Variants in EFL1 observed in about 807,000 individuals in gnomAD.
EFL1 encodes elongation factor like GTPase 1.
A neutral mutation model predicts 126.7 loss-of-function variants in EFL1; 76 were observed. The observed-to-expected ratio is 0.60, with a 90% CI of 0.50 to 0.73. The LOEUF is 0.73. Ranked by LOEUF, EFL1 falls within the 30% of genes least tolerant of loss-of-function variation. EFL1 has a pLI of 0.00. For missense variants in EFL1, 1,128 were observed against 1,343.2 expected (o/e 0.84, Z 2.50); for synonymous variants, 410 against 448.4 (o/e 0.91, Z 1.08).
intron 7 of EFL1, among the ~76,000 whole-genome samples, chr15:82,231,462 C>T (rs2074821379): frequency 6.6e-6 from 1 of 152,144 alleles, no homozygotes; most frequent in Admixed American, 6.5e-5. Flanking sequence ...TAACTCGCAT[C>T]AACCCACAGA....
intron 16 of EFL1, among the ~76,000 whole-genome samples, chr15:82,159,033 CA>C (rs1279737208): frequency 2.0e-5 from 3 of 152,164 alleles, no homozygotes; most frequent in African/African-American, 7.2e-5. Context: ...ACTTGTAGGT[CA>C]GGTGATCAAA....
At chr15:82,258,973 C>T (rs774501279) in intron 3 of EFL1, 115 bp downstream of exon 3, 40 of 937,826 alleles carry the variant, frequency 4.3e-5, no homozygotes, top group South Asian at 9.5e-5. Context: ...AGCTTTTAGA[C>T]GCAAGAATTA....
At chr15:82,260,865 T>C (rs1338405058) in intron 2 of EFL1, among the ~76,000 whole-genome samples, 1 of 152,198 alleles carries the variant, frequency 6.6e-6, no homozygotes, top group African/African-American at 2.4e-5. Flanking sequence ...ATGGTAAATA[T>C]GTTTTATTTC....
At chr15:82,157,979 AT>A in intron 16 of EFL1, 119 bp from the exon 17 acceptor site, 1 of 1,172,176 alleles carries the variant, frequency 8.5e-7, no homozygotes, top group Non-Finnish European at 1.2e-6. Context: ...ACAACAATTT[AT>A]TTTTCTTCCA....
intron 18 of EFL1, among the ~76,000 whole-genome samples, chr15:82,149,101 T>C (rs967959600): frequency 4.6e-5 from 7 of 152,056 alleles, no homozygotes; most frequent in Admixed American, 2.0e-4. Context: ...CAAGGACACA[T>C]GAAAAAAATG....
At chr15:82,220,043 T>C (rs374076363) in intron 13 of EFL1, 35 bp downstream of exon 13, 28 of 1,564,778 alleles carry the variant, frequency 1.8e-5, no homozygotes, top group Middle Eastern at 2.1e-4. Flanking sequence ...AAAAGGCAAA[T>C]ACTTTGCAAC....
rs114196644 is a variant in EFL1 at position 82,163,530 on chromosome 15, C to T, written c.1882+323G>A. On this transcript the variant is annotated intron_variant, in intron 16 of 19. Transcript: ENST00000268206. Reference sequence around the variant, plus strand: ...TAGCCTGCGCAACAGAGTGAGACTCCGCCTCAAAAAAATAAATAAATAGAT... The same window carrying T: ...TAGCCTGCGCAACAGAGTGAGACTCTGCCTCAAAAAAATAAATAAATAGAT... 8.5e-3 allele frequency among the ~76,000 whole-genome samples: 1,288 copies of T among 152,026 alleles called. 15 individuals carry two copies. Among genetic ancestry groups the T allele is most frequent in the African/African-American group, 0.028 (1,155 of 41,468 alleles).
chr15:82,240,379 T>C (rs2074918364), intron 6 of EFL1, 39 bp downstream of exon 6: 1 of 1,539,974 alleles, frequency 6.5e-7, no homozygotes, highest in Admixed American at 2.0e-5. Flanking sequence ...ACAACTCTTC[T>C]TCGTGGCTAA....
intron 17 of EFL1, among the ~76,000 whole-genome samples, chr15:82,152,850 G>A (rs1182811011): frequency 1.3e-5 from 2 of 152,120 alleles, no homozygotes; most frequent in African/African-American, 4.8e-5. Flanking sequence ...CAGAACCTCA[G>A]GATAGCTAGT....
At chr15:82,185,798 T>G (rs1425375565) in intron 15 of EFL1, among the ~76,000 whole-genome samples, 1 of 152,170 alleles carries the variant, frequency 6.6e-6, no homozygotes, top group Admixed American at 6.5e-5. Flanking sequence ...TGAAACAGTT[T>G]TGTAACATTT....
At chr15:82,169,010 G>C (rs1342303286) in intron 15 of EFL1, among the ~76,000 whole-genome samples, 1 of 152,060 alleles carries the variant, frequency 6.6e-6, no homozygotes, top group Non-Finnish European at 1.5e-5. Context: ...GTCACTGTAA[G>C]GTCCCAATTT....
At chr15:82,255,934 T>C (rs1039457983) in intron 3 of EFL1, among the ~76,000 whole-genome samples, 8 of 152,254 alleles carry the variant, frequency 5.3e-5, no homozygotes, top group African/African-American at 1.7e-4. Context: ...CTTCTGTATA[T>C]ATTTTTAAAT....
intron 16 of EFL1, 34 bp from the exon 17 acceptor site, chr15:82,157,894 T>C (rs1375461496): frequency 6.3e-7 from 1 of 1,593,860 alleles, no homozygotes; most frequent in Non-Finnish European, 8.6e-7. Context: ...TTAAATATGA[T>C]ATAAGAACTA....
At chr15:82,214,192 T>C (rs2074618792) in intron 15 of EFL1, among the ~76,000 whole-genome samples, 1 of 152,260 alleles carries the variant, frequency 6.6e-6, no homozygotes, top group South Asian at 2.1e-4. Flanking sequence ...ACTCAAAAAG[T>C]GAATTCTGCA....
chr15:82,210,347 A>G (rs2074570596), intron 15 of EFL1, among the ~76,000 whole-genome samples: 1 of 152,164 alleles, frequency 6.6e-6, no homozygotes, highest in Admixed American at 6.5e-5. Context: ...TTTGAAGGCT[A>G]GGTCATAAAA....
chr15:82,162,297 CA>C (rs1278742628), intron 16 of EFL1, among the ~76,000 whole-genome samples: 1 of 152,012 alleles, frequency 6.6e-6, no homozygotes, highest in East Asian at 1.9e-4. Context: ...AATAAATAAA[CA>C]AGTAAAATTA....
At chr15:82,214,458 T>C (rs2074622370) in intron 15 of EFL1, among the ~76,000 whole-genome samples, 1 of 152,216 alleles carries the variant, frequency 6.6e-6, no homozygotes, top group South Asian at 2.1e-4. Context: ...CGCTCTGAAA[T>C]AAATGGAACT....
At chr15:82,134,889 A>AT (rs957052167) in intron 19 of EFL1, among the ~76,000 whole-genome samples, 9 of 152,122 alleles carry the variant, frequency 5.9e-5, no homozygotes, top group African/African-American at 1.2e-4. Flanking sequence ...TATTTTCTCT[A>AT]TTTTTTGAAG....
In EFL1 at chr15:82,241,315, A is replaced by G; in HGVS notation, c.333T>C (p.Asp111=). 1.2e-6 allele frequency: 2 copies of G among 1,613,972 alleles called. No homozygotes were observed. Among genetic ancestry groups the G allele is most frequent in the Non-Finnish European group, 1.7e-6 (2 of 1,179,862 alleles). The change falls in exon 5 of 20, where the codon GAT becomes GAC. Residue 111 remains aspartate, a synonymous_variant. Transcript: ENST00000268206. ...SEVSTAVRIC[D]GCIIVVDAVE... ...CAGCATCTACCACAATGATGCATCCATCACAAATGCGAACAGCGGTTGATA... is the reference window on the plus strand; with the variant it reads ...CAGCATCTACCACAATGATGCATCCGTCACAAATGCGAACAGCGGTTGATA...
Sources: allele counts gnomAD v4.1 joint callset (sites outside exome capture counted in the v4.1 genomes callset), GRCh38; gene constraint gnomAD v4.1.1; transcripts MANE v1.5; gene names NCBI Gene and HGNC (gene_info 2026-07-23, HGNC 2026-07-21).